Variants in CCBE1 observed in about 807,000 individuals in gnomAD.
CCBE1 encodes collagen and calcium-binding EGF domain-containing protein 1.
In CCBE1, 37 loss-of-function variants were observed where a neutral mutation model predicts 50.0. The observed-to-expected ratio is 0.74, with a 90% CI of 0.57 to 0.97. The LOEUF (loss-of-function observed/expected upper bound fraction) is 0.97. CCBE1 is among the 50% of genes least tolerant of loss of function. The pLI is 0.00. For synonymous variants in CCBE1, 234 were observed against 203.7 expected, an observed-to-expected ratio of 1.15 and a Z score of -1.27; for missense variants, 538 against 523.8, an observed-to-expected ratio of 1.03 and a Z score of -0.26.
At chr18:59,612,454 G>A (rs977162638) in intron 2 of CCBE1, among the ~76,000 whole-genome samples, 3 of 152,138 alleles carry the variant, frequency 2.0e-5, no homozygotes, top group Non-Finnish European at 4.4e-5. Context: ...CAATTCTAGG[G>A]CTGATGGAGA....
intron 2 of CCBE1, among the ~76,000 whole-genome samples, chr18:59,497,615 C>T (rs1170050092): frequency 2.0e-5 from 3 of 152,152 alleles, no homozygotes; most frequent in East Asian, 1.9e-4. Flanking sequence ...CTAGGGACAC[C>T]GCACTATTCA....
chr18:59,622,193 G>T (rs780080458), intron 2 of CCBE1, among the ~76,000 whole-genome samples: 14 of 152,166 alleles, frequency 9.2e-5, no homozygotes, highest in Non-Finnish European at 1.9e-4. Context: ...CACTTGCAGG[G>T]CCAACATGAG....
chr18:59,626,684 G>A (rs953912205), intron 2 of CCBE1, among the ~76,000 whole-genome samples: 2 of 152,242 alleles, frequency 1.3e-5, no homozygotes, highest in Non-Finnish European at 2.9e-5. Flanking sequence ...GCTAGCAAGT[G>A]GTAAGGCCAA....
intron 2 of CCBE1, among the ~76,000 whole-genome samples, chr18:59,636,132 G>A (rs953968241): frequency 2.0e-5 from 3 of 151,978 alleles, no homozygotes; most frequent in East Asian, 3.9e-4. Context: ...CAGCCTGGGC[G>A]ACAGAGCGAG....
At chr18:59,676,025 A>T (rs9954124) in intron 2 of CCBE1, among the ~76,000 whole-genome samples, 44,816 of 152,118 alleles carry the variant, frequency 0.29, 6,965 homozygotes, top group Non-Finnish European at 0.35. Context: ...AACAGTGGCA[A>T]AAACAGCAAG....
intron 2 of CCBE1, among the ~76,000 whole-genome samples, chr18:59,628,571 A>G (rs970702805): frequency 9.2e-5 from 14 of 152,322 alleles, no homozygotes; most frequent in East Asian, 3.9e-4. Flanking sequence ...CGCGATGTCC[A>G]TGGCTTCGTG....
chr18:59,658,413 A>G (rs1464496826), intron 2 of CCBE1, among the ~76,000 whole-genome samples: 43 of 73,862 alleles, frequency 5.8e-4, no homozygotes, highest in African/African-American at 1.7e-3. Context: ...ATATATATAT[A>G]TATAAAGTTA....
intron 2 of CCBE1, among the ~76,000 whole-genome samples, chr18:59,565,254 G>A (rs1360054778): frequency 9.7e-6 from 1 of 103,040 alleles, no homozygotes; most frequent in Non-Finnish European, 1.9e-5. Context: ...CAGGGCTGGG[G>A]TTTAGTCAGA....
Position 59,499,020 on chromosome 18 carries a change from C to T in CCBE1, c.213-18782G>A, listed in dbSNP as rs572146316. Among the ~76,000 whole-genome samples the T allele has an allele frequency of 1.5e-3, 235 of 152,238 alleles. 3 individuals carry two copies. Among genetic ancestry groups the T allele is most frequent in the Admixed American group, 1.9e-3 (29 of 15,292 alleles). On this transcript the variant is annotated intron_variant, in intron 2 of 10. Transcript: ENST00000439986. Reference sequence around the variant, plus strand: ...GAGCAAATAGTGCCATGTGATTAAACGATATATGTAACCTTGAAAACTTGC... The same window carrying T: ...GAGCAAATAGTGCCATGTGATTAAATGATATATGTAACCTTGAAAACTTGC...
chr18:59,670,665 C>G (rs989161829), intron 2 of CCBE1, among the ~76,000 whole-genome samples: 2 of 152,138 alleles, frequency 1.3e-5, no homozygotes, highest in Admixed American at 1.3e-4. Context: ...ATTTTCAATC[C>G]AGCCAGGTAT....
chr18:59,453,768 GAAGAT>G (rs1444980045), intron 6 of CCBE1, among the ~76,000 whole-genome samples: 8 of 152,232 alleles, frequency 5.3e-5, no homozygotes, highest in Non-Finnish European at 1.2e-4. Flanking sequence ...AACAAAACAA[GAAGAT>G]GTTTTATCAG....
chr18:59,515,683 C>A (rs888749270), intron 2 of CCBE1, among the ~76,000 whole-genome samples: 34 of 152,322 alleles, frequency 2.2e-4, no homozygotes, highest in African/African-American at 8.2e-4. Context: ...TTGCTCCCCT[C>A]TAACTCTCAT....
intron 2 of CCBE1, among the ~76,000 whole-genome samples, chr18:59,625,815 C>T (rs1230529602): frequency 6.6e-6 from 1 of 152,078 alleles, no homozygotes; most frequent in Non-Finnish European, 1.5e-5. Flanking sequence ...GGGGTGGGGT[C>T]TTTGGGGTGG....
At chr18:59,509,480 A>C (rs376930573) in intron 2 of CCBE1, among the ~76,000 whole-genome samples, 164 of 152,332 alleles carry the variant, frequency 1.1e-3, no homozygotes, top group South Asian at 1.9e-3. Context: ...GCATTCATAG[A>C]TGCATGATAA....
At chr18:59,465,752 T>G (rs1911711562) in intron 5 of CCBE1, 1 of 152,248 alleles carries the variant, frequency 6.6e-6, no homozygotes, top group African/African-American at 2.4e-5. Flanking sequence ...GGATACAGAT[T>G]GTTTACCTTA....
At chr18:59,537,793 G>A (rs1166519054) in intron 2 of CCBE1, among the ~76,000 whole-genome samples, 1 of 152,160 alleles carries the variant, frequency 6.6e-6, no homozygotes, top group Non-Finnish European at 1.5e-5. Flanking sequence ...AAACTTGAAT[G>A]CGTGATATAC....
chr18:59,633,806 A>C (rs1158867060), intron 2 of CCBE1, among the ~76,000 whole-genome samples: 1 of 152,136 alleles, frequency 6.6e-6, no homozygotes. Flanking sequence ...TGGTATCAAC[A>C]TTCCACTTGG....
chr18:59,458,622 T>G (rs897434188), intron 5 of CCBE1, among the ~76,000 whole-genome samples: 21 of 152,346 alleles, frequency 1.4e-4, no homozygotes, highest in Admixed American at 1.2e-3. Context: ...TAACTTGCCT[T>G]AGGTCTTTCA....
At chr18:59,685,595 T>A (rs1277838005) in intron 2 of CCBE1, among the ~76,000 whole-genome samples, 1 of 152,212 alleles carries the variant, frequency 6.6e-6, no homozygotes, top group East Asian at 1.9e-4. Flanking sequence ...CATGAGGAGC[T>A]TTAGAAATTC....
Sources: gnomAD v4.1 joint callset for allele counts (sites outside exome capture counted in the v4.1 genomes callset) on GRCh38, gnomAD v4.1.1 for gene constraint, MANE v1.5 for transcripts, NCBI Gene and HGNC (gene_info 2026-07-23, HGNC 2026-07-21) for gene names.